Variants in GRID1 observed in about 807,000 individuals in gnomAD.
GRID1 encodes the protein glutamate ionotropic receptor delta type subunit 1.
Under a neutral mutation model 98.0 loss-of-function variants are expected in GRID1, and 28 were observed. The ratio of observed to expected loss-of-function variants is 0.29; its 90% CI spans 0.21 to 0.39. The LOEUF (loss-of-function observed/expected upper bound fraction) is 0.39, where lower values mean the gene tolerates loss of function less well. GRID1 is among the 10% of genes least tolerant of loss of function. GRID1 has a pLI of 1.00. For missense variants in GRID1, 1,111 were observed against 1,340.5 expected (o/e 0.83, Z 2.67); for synonymous variants, 553 against 538.5 (o/e 1.03, Z -0.37).
chr10:85,626,022 C>A (rs76598478), intron 13 of GRID1, among the ~76,000 whole-genome samples: 21 of 152,172 alleles, frequency 1.4e-4, no homozygotes, highest in Admixed American at 1.1e-3. Context: ...ACTGCTCCCC[C>A]CAAATGAGAA....
chr10:85,663,036 G>A (rs774377848), intron 12 of GRID1, among the ~76,000 whole-genome samples: 5 of 152,006 alleles, frequency 3.3e-5, no homozygotes, highest in African/African-American at 4.8e-5. Context: ...CTAAACATGC[G>A]GACAACTCCT....
intron 2 of GRID1, among the ~76,000 whole-genome samples, chr10:86,317,635 A>G (rs1847917427): frequency 6.6e-6 from 1 of 152,162 alleles, no homozygotes; most frequent in African/African-American, 2.4e-5. Flanking sequence ...TCTCTCAGCC[A>G]GTGCTTCTGG....
intron 2 of GRID1, among the ~76,000 whole-genome samples, chr10:86,211,909 C>A (rs916837313): frequency 6.6e-6 from 1 of 152,202 alleles, no homozygotes; most frequent in Non-Finnish European, 1.5e-5. Flanking sequence ...CCCAGGGCAC[C>A]TCCCGGCTCA....
intron 4 of GRID1, among the ~76,000 whole-genome samples, chr10:86,027,293 C>CT (rs1843128339): frequency 6.6e-6 from 1 of 152,202 alleles, no homozygotes; most frequent in African/African-American, 2.4e-5. Flanking sequence ...TCATTGCTCT[C>CT]TGTCTCCATG....
intron 2 of GRID1, among the ~76,000 whole-genome samples, chr10:86,302,962 T>G (rs1482746551): frequency 1.3e-5 from 2 of 152,162 alleles, no homozygotes; most frequent in Non-Finnish European, 2.9e-5. Flanking sequence ...CTCGTCTAAA[T>G]AGGAAGAGAT....
intron 4 of GRID1, among the ~76,000 whole-genome samples, chr10:85,920,472 G>T (rs764738171): frequency 1.3e-5 from 2 of 152,128 alleles, no homozygotes; most frequent in Non-Finnish European, 2.9e-5. Context: ...AACAGACAGA[G>T]CCCACCCAAC....
At chr10:85,707,516 G>C (rs990042540) in intron 12 of GRID1, among the ~76,000 whole-genome samples, 2 of 152,170 alleles carry the variant, frequency 1.3e-5, no homozygotes, top group African/African-American at 4.8e-5. Context: ...CTGTTGGTGG[G>C]ACTGTAAACT....
chr10:86,359,022 C>A (rs1848568828), intron 2 of GRID1, among the ~76,000 whole-genome samples: 2 of 152,182 alleles, frequency 1.3e-5, no homozygotes, highest in South Asian at 4.1e-4. Flanking sequence ...TTCCTCCAGC[C>A]TCCAGAAGGA....
At chr10:85,883,030 A>G (rs983118735) in intron 5 of GRID1, among the ~76,000 whole-genome samples, 1 of 151,972 alleles carries the variant, frequency 6.6e-6, no homozygotes, top group Non-Finnish European at 1.5e-5. Context: ...CTTCTCCATT[A>G]TGTCATATTT....
At chr10:86,295,910 T>C (rs2607853) in intron 2 of GRID1, among the ~76,000 whole-genome samples, 6,322 of 152,238 alleles carry the variant, frequency 0.042, 242 homozygotes, top group Admixed American at 0.11. Context: ...GAGGGGCAGT[T>C]CCTCAGCTGA....
At position 85,699,780 on chromosome 10, in the gene GRID1, C is replaced by T. The variant is rs375093740; in HGVS notation, c.1997+23223G>A. On this transcript the variant is annotated intron_variant, in intron 12 of 15. Transcript: ENST00000327946. ...CTCTGAATCTGTGCAGATTTGTGGA[C>T]ACAAGACAAATCTCTAATTATAGAT... Among the ~76,000 whole-genome samples, 4 of 152,256 alleles carry T rather than the reference C, an allele frequency of 2.6e-5. No individual in the cohort carries two copies. In the East Asian group the frequency reaches 7.7e-4, roughly 29 times the overall value.
At chr10:86,234,635 T>C (rs1420199521) in intron 2 of GRID1, among the ~76,000 whole-genome samples, 1 of 152,214 alleles carries the variant, frequency 6.6e-6, no homozygotes, top group Non-Finnish European at 1.5e-5. Context: ...AGGTTGGTGT[T>C]GCGGTGTAAA....
chr10:86,084,999 A>G (rs1241358371), intron 4 of GRID1, among the ~76,000 whole-genome samples: 1 of 152,230 alleles, frequency 6.6e-6, no homozygotes, highest in Non-Finnish European at 1.5e-5. Flanking sequence ...TGCCCTAAAA[A>G]TGGTTAACGT....
At chr10:85,962,431 C>G (rs1805505951) in intron 4 of GRID1, among the ~76,000 whole-genome samples, 1 of 152,218 alleles carries the variant, frequency 6.6e-6, no homozygotes, top group African/African-American at 2.4e-5. Flanking sequence ...ACCTCCCAAG[C>G]ACCTGACAAA....
intron 2 of GRID1, among the ~76,000 whole-genome samples, chr10:86,266,654 G>C (rs1391773737): frequency 6.6e-6 from 1 of 152,230 alleles, no homozygotes; most frequent in African/African-American, 2.4e-5. Flanking sequence ...CTACTCTGTG[G>C]CCTGGCAAGA....
intron 8 of GRID1, among the ~76,000 whole-genome samples, chr10:85,738,071 A>T (rs1361539966): frequency 6.6e-6 from 1 of 152,088 alleles, no homozygotes; most frequent in East Asian, 1.9e-4. Context: ...GCTCTTCTCC[A>T]CCAAACCTCC....
chr10:85,706,184 A>G (rs901963276), intron 12 of GRID1, among the ~76,000 whole-genome samples: 6 of 152,242 alleles, frequency 3.9e-5, no homozygotes, highest in Non-Finnish European at 8.8e-5. Context: ...CCCTGTTTGC[A>G]GATGACATGA....
chr10:86,140,842 G>T (rs779849483), intron 3 of GRID1, among the ~76,000 whole-genome samples: 6 of 152,214 alleles, frequency 3.9e-5, no homozygotes, highest in Non-Finnish European at 7.3e-5. Flanking sequence ...CAGGCCACCT[G>T]CTTGTGTCTC....
At position 85,728,020 on chromosome 10, in the gene GRID1, G is replaced by T; in HGVS notation, c.1368C>A (p.Ile456=). ...CTTTGTAGCGCTTGGGCTGTCCTAG[G>T]ATGTTCTCAGCCACCATCACGAAAG... is the stretch of plus-strand genomic sequence containing the variant. ...EEPFVMVAEN[I]LGQPKRYKGF... The change falls in exon 10 of 16, where the codon ATC becomes ATA. Residue 456 remains isoleucine (I), a synonymous_variant. Coordinates refer to ENST00000327946, the MANE Select transcript of GRID1 (RefSeq NM_017551.3). 6.2e-7 allele frequency: 1 copy of T among 1,613,650 alleles called. No individual in the cohort carries two copies. Among genetic ancestry groups the T allele is most frequent in the Non-Finnish European group, 8.5e-7 (1 of 1,179,618 alleles).
Sources: allele counts gnomAD v4.1 joint callset (sites outside exome capture counted in the v4.1 genomes callset), GRCh38; gene constraint gnomAD v4.1.1; transcripts MANE v1.5; gene names NCBI Gene and HGNC (gene_info 2026-07-23, HGNC 2026-07-21).